The following FREM3 variants were observed in gnomAD, a reference collection of about 807,000 sequenced individuals.
The protein encoded by FREM3 is FRAS1 related extracellular matrix 3, also known as FRAS1-related extracellular matrix protein 3.
Under a neutral mutation model 129.1 loss-of-function variants are expected in FREM3, and 105 were observed. The observed-to-expected ratio is 0.81, with a 90% CI of 0.69 to 0.96. FREM3 has a LOEUF of 0.96. Among genes scored for constraint, FREM3 ranks in the 40% least tolerant of loss-of-function variants. The pLI is 0.00. For synonymous variants in FREM3, 1,014 were observed against 1,044.9 expected (o/e 0.97, Z 0.57); for missense variants, 2,593 against 2,666.3 (o/e 0.97, Z 0.61).
In FREM3 at chr4:143,698,693, T is replaced by A; in HGVS notation, c.1983A>T (p.Gly661=). Residue 661 remains glycine (G), a synonymous_variant, in exon 1 of 8, where the codon GGA becomes GGT. Coordinates refer to ENST00000329798, the MANE Select transcript of FREM3 (RefSeq NM_001168235.2). ...MEGRLFYRHL[G]PHSPQSVMVQ... The stretch of plus-strand genomic sequence containing the variant: ...CCATTACAGATTGAGGGCTGTGTGG[T>A]CCAAGATGGCGGTAGAAGAGTCTCC... 6.5e-7 allele frequency: 1 copy of A among 1,537,474 alleles called. No homozygotes were observed. Among genetic ancestry groups the A allele is most frequent in the Admixed American group, 2.0e-5 (1 of 51,008 alleles).
At chr4:143,689,757 T>C (rs1477850672) in intron 2 of FREM3, among the ~76,000 whole-genome samples, 3 of 152,066 alleles carry the variant, frequency 2.0e-5, no homozygotes, top group African/African-American at 7.2e-5. Context: ...TCGGAGACTA[T>C]TATTCTAAAT....
rs1411011820 is a variant in FREM3 at position 143,698,841 on chromosome 4, T to G, written c.1835A>C (p.Asp612Ala). ...TAGTTCAGCCTGCTGCAGCAACAGGTCCCCCAGGTAGTGGCCTGAGTGGGA... is the reference window on the plus strand; with the variant it reads ...TAGTTCAGCCTGCTGCAGCAACAGGGCCCCCAGGTAGTGGCCTGAGTGGGA... ...GSSHSGHYLG[D>A]LLLQQAELPL... Residue 612 changes from aspartate (D) to alanine (A), a missense_variant, in exon 1 of 8, where the codon GAC becomes GCC. Asp to Ala is a moderately radical substitution (Grantham distance 126, BLOSUM62 -2). This residue lies in a region of FREM3 where 2,276 missense variants were observed against 2,267.2 expected (regional missense o/e 1.00). Coordinates refer to ENST00000329798, the MANE Select transcript of FREM3 (RefSeq NM_001168235.2). The G allele has an allele frequency of 1.6e-5, 25 of 1,537,536 alleles. No homozygotes were observed. The highest frequency in any genetic ancestry group is 4.1e-5 in the African/African-American group (3 of 72,992).
rs1226970332 is a variant in FREM3, at chr4:143,697,295, T to C, written c.3381A>G (p.Ser1127=). 19 of 1,537,206 alleles carry C rather than the reference T, an allele frequency of 1.2e-5. No homozygotes were observed. The Admixed American group carries it at 3.3e-4, about 27-fold the overall frequency. The stretch of plus-strand genomic sequence containing the variant: ...TAGGGCTACCAGACTGGGACATTTT[T>C]GAACCAGGAGCTGATGCAATCTTTT... ...YLEKIASAPG[S]KMSQSGSPIS... is the part of the protein sequence containing the mutation. The change falls in exon 1 of 8, where the codon TCA becomes TCG. Residue 1127 remains serine, a synonymous_variant. Transcript: ENST00000329798.
At chr4:143,593,065 G>A (rs10034751) in intron 6 of FREM3, among the ~76,000 whole-genome samples, 54,000 of 151,932 alleles carry the variant, frequency 0.36, 9,839 homozygotes, top group Non-Finnish European at 0.38. Context: ...TCACATTCTC[G>A]TGCTGTGGTT....
chr4:143,608,054 C>G (rs1738695682), intron 6 of FREM3, among the ~76,000 whole-genome samples: 1 of 152,158 alleles, frequency 6.6e-6, no homozygotes, highest in Admixed American at 6.5e-5. Flanking sequence ...CCTCTTGCAT[C>G]TCTCTTATAG....
chr4:143,677,426 A>G (rs1020430148), intron 2 of FREM3, among the ~76,000 whole-genome samples: 5 of 152,220 alleles, frequency 3.3e-5, no homozygotes, highest in African/African-American at 1.2e-4. Context: ...GTTAAACCAA[A>G]AGCCATAAAA....
chr4:143,664,631 A>C (rs976459795), intron 2 of FREM3, among the ~76,000 whole-genome samples: 23 of 152,112 alleles, frequency 1.5e-4, no homozygotes, highest in Non-Finnish European at 2.9e-4. Flanking sequence ...TCAGACTTGG[A>C]CATTTAAGTC....
chr4:143,699,804 T>A lies in FREM3; in HGVS notation c.872A>T (p.Gln291Leu). The stretch of plus-strand genomic sequence containing the variant: ...TCCGCCGCGGATCCTCACGAGCAGC[T>A]GGAAGTGCTCGCGGACCAGCACACC... ...SAGVLVREHF[Q>L]LLVRIRGGAE... The change falls in exon 1 of 8, where the codon CAG (glutamine) becomes CTG (leucine). Residue 291 changes from glutamine to leucine, a missense_variant. Gln to Leu is a moderately radical substitution (Grantham distance 113, BLOSUM62 -2). Around this residue, in one of 2 missense-constraint regions of FREM3, gnomAD observed 2,276 missense variants for 2,267.2 expected, o/e 1.00. Coordinates refer to ENST00000329798, the MANE Select transcript of FREM3 (RefSeq NM_001168235.2). This position sits in a 1 kb window ranked among gnomAD's most constrained non-coding sequence, Gnocchi z 4.2. 1 of 1,536,456 alleles carries A rather than the reference T, an allele frequency of 6.5e-7. No individual in the cohort carries two copies.
At chr4:143,621,191 C>T (rs1251191641) in intron 4 of FREM3, 29 bp from the exon 5 acceptor site, 1 of 1,534,576 alleles carries the variant, frequency 6.5e-7, no homozygotes, top group Non-Finnish European at 8.7e-7. Context: ...GACTTTTCAC[C>T]AAGATTTAGA....
rs1356846039 is a variant in FREM3 at position 143,700,028 on chromosome 4, C to A, written c.648G>T (p.Glu216Asp). 1.8e-5 allele frequency: 27 copies of A among 1,511,116 alleles called. No homozygotes were observed. The highest frequency in any genetic ancestry group is 2.4e-5 in the Non-Finnish European group (27 of 1,131,874). The allele number at this position is 1,511,116 out of a possible 1,614,324, so 93.6% of individuals were successfully genotyped here. A position where few individuals can be genotyped will look rare whatever the true frequency, so the allele number is the denominator to read the frequency against. The change falls in exon 1 of 8, where the codon GAG becomes GAT. Residue 216 changes from glutamate to aspartate, a missense_variant. By Grantham distance (45) the Glu-to-Asp change is conservative (BLOSUM62 2). Transcript: ENST00000329798. ...RRCRLTPLPHEDGPLPKYGRL... is the reference protein window; with the variant it reads ...RRCRLTPLPHDDGPLPKYGRL... ...GCCCGTACTTGGGCAGGGGGCCGTC[C>A]TCGTGAGGAAGTGGGGTAAGCCGGC...
intron 2 of FREM3, among the ~76,000 whole-genome samples, chr4:143,666,982 G>A (rs1739874617): frequency 6.6e-6 from 1 of 152,026 alleles, no homozygotes; most frequent in Admixed American, 6.6e-5. Context: ...TATATCTCAA[G>A]AAAACTGTTA....
intron 6 of FREM3, among the ~76,000 whole-genome samples, chr4:143,588,309 T>C (rs764894384): frequency 1.3e-5 from 2 of 152,150 alleles, no homozygotes; most frequent in Non-Finnish European, 2.9e-5. Flanking sequence ...TTGTTACATA[T>C]GTATACATGT....
chr4:143,614,935 G>T (rs535173271), intron 5 of FREM3, among the ~76,000 whole-genome samples: 41 of 152,232 alleles, frequency 2.7e-4, no homozygotes, highest in Admixed American at 2.6e-3. Flanking sequence ...TGATGGCATC[G>T]ATTGCCCCTG....
rs748486584 is a variant in FREM3, at chr4:143,700,571, T to A, written c.105A>T (p.Ser35=). 2.7e-6 allele frequency: 4 copies of A among 1,504,080 alleles called. No homozygotes were observed. The South Asian group carries it at 5.0e-5, about 19-fold the overall frequency. The allele number at this position is 1,504,080 out of a possible 1,614,324, so 93.2% of individuals were successfully genotyped here. A position where few individuals can be genotyped will look rare whatever the true frequency, so the allele number is the denominator to read the frequency against. The stretch of plus-strand genomic sequence containing the variant: ...GCGCCGGGTCGGGCTCGGTCCCAAG[T>A]GAGGATGCCCGTCCCTGCAGCGCGG... ...SRPALQGRAS[S]LGTEPDPALY... is the part of the protein sequence containing the mutation. The change falls in exon 1 of 8, where the codon TCA becomes TCT. Residue 35 remains serine (S), a synonymous_variant. Coordinates refer to ENST00000329798, the MANE Select transcript of FREM3 (RefSeq NM_001168235.2).
intron 2 of FREM3, among the ~76,000 whole-genome samples, chr4:143,631,639 A>G (rs1739142956): frequency 6.6e-6 from 1 of 152,182 alleles, no homozygotes; most frequent in African/African-American, 2.4e-5. Flanking sequence ...CACAAGGGCA[A>G]TATGATTGTG....
At chr4:143,600,908 G>C (rs950936151) in intron 6 of FREM3, among the ~76,000 whole-genome samples, 9 of 151,280 alleles carry the variant, frequency 5.9e-5, no homozygotes, top group Non-Finnish European at 1.2e-4. Context: ...AAGCAAGGGT[G>C]ATCACTAGTC....
intron 2 of FREM3, among the ~76,000 whole-genome samples, chr4:143,638,470 A>G (rs1204462788): frequency 1.3e-5 from 2 of 152,156 alleles, no homozygotes; most frequent in African/African-American, 2.4e-5. Context: ...CAGAGAAAAC[A>G]ATATAATATA....
In FREM3 at chr4:143,695,891, A is replaced by G. The variant is rs917936033; in HGVS notation, c.4785T>C (p.Thr1595=). 1.3e-6 allele frequency: 2 copies of G among 1,537,598 alleles called. No individual in the cohort carries two copies. Among genetic ancestry groups the G allele is most frequent in the African/African-American group, 1.4e-5 (1 of 73,142 alleles). ...TCTTGTTCAGGTCTTGCTTGGTGAA[A>G]GTGGTCACGGGACGGCTACCATTGT... ...ILYNGSRPVT[T]FTKQDLNKNL... Residue 1595 remains threonine (T), a synonymous_variant, in exon 1 of 8, where the codon ACT becomes ACC. Transcript: ENST00000329798.
chr4:143,655,936 G>A (rs976881019), intron 2 of FREM3, among the ~76,000 whole-genome samples: 1 of 152,110 alleles, frequency 6.6e-6, no homozygotes, highest in Admixed American at 6.6e-5. Flanking sequence ...AATTTATCAA[G>A]TTTTCCCACA....
Sources: gnomAD v4.1 joint callset for allele counts (sites outside exome capture counted in the v4.1 genomes callset) on GRCh38, gnomAD v4.1.1 for gene constraint, gnomAD v4.1.1 regional missense constraint, Gnocchi (gnomAD v3.1) non-coding constraint, MANE v1.5 for transcripts, NCBI Gene and HGNC (gene_info 2026-07-23, HGNC 2026-07-21) for gene names.